Variants in KAZN observed in about 807,000 individuals in gnomAD.
The protein encoded by KAZN is kazrin, periplakin interacting protein.
In KAZN, 40 loss-of-function variants were observed where a neutral mutation model predicts 87.4. The observed-to-expected ratio is 0.46, with a 90% CI of 0.36 to 0.60. The LOEUF (loss-of-function observed/expected upper bound fraction) is 0.60. Among genes scored for constraint, KAZN ranks in the 20% least tolerant of loss-of-function variants. The pLI is 0.00. For synonymous variants in KAZN, 466 were observed against 458.3 expected, an observed-to-expected ratio of 1.02 and a Z score of -0.22; for missense variants, 898 against 1,073.9, an observed-to-expected ratio of 0.84 and a Z score of 2.29.
At chr1:14,505,242 C>T (rs1287556279) in intron 2 of KAZN, among the ~76,000 whole-genome samples, 1 of 152,136 alleles carries the variant, frequency 6.6e-6, no homozygotes, top group Non-Finnish European at 1.5e-5. Context: ...AGGCCAGTGG[C>T]CATCCCTGAA....
chr1:14,415,034 T>C (rs1035299938), intron 2 of KAZN, among the ~76,000 whole-genome samples: 3 of 151,866 alleles, frequency 2.0e-5, no homozygotes, highest in Non-Finnish European at 4.4e-5. Flanking sequence ...TCAAAATAAA[T>C]AAATACGTAC....
intron 2 of KAZN, among the ~76,000 whole-genome samples, chr1:14,591,961 T>C (rs1676228928): frequency 1.3e-5 from 2 of 152,162 alleles, no homozygotes. Context: ...GCTGTGGTTA[T>C]GAGGGTGATG....
At chr1:15,003,503 T>C (rs893058656) in intron 2 of KAZN, among the ~76,000 whole-genome samples, 1 of 152,150 alleles carries the variant, frequency 6.6e-6, no homozygotes, top group Non-Finnish European at 1.5e-5. Flanking sequence ...GATATCTCAG[T>C]AAAGCTGTTT....
At chr1:14,225,772 T>A (rs1647251823) in intron 2 of KAZN, among the ~76,000 whole-genome samples, 1 of 152,152 alleles carries the variant, frequency 6.6e-6, no homozygotes. Context: ...GAATGCCTAT[T>A]CAATAAGTGG....
chr1:14,474,007 C>A (rs1668591806), intron 2 of KAZN, among the ~76,000 whole-genome samples: 1 of 152,196 alleles, frequency 6.6e-6, no homozygotes, highest in Non-Finnish European at 1.5e-5. Flanking sequence ...ATAGAAATTG[C>A]TACTCTAAAA....
intron 1 of KAZN, among the ~76,000 whole-genome samples, chr1:14,699,184 C>A (rs1218289821): frequency 6.7e-6 from 1 of 150,012 alleles, no homozygotes; most frequent in Non-Finnish European, 1.5e-5. Flanking sequence ...GAGGAGACAA[C>A]AATTTAGCTG....
chr1:14,561,702 A>G (rs1162332297), intron 2 of KAZN, among the ~76,000 whole-genome samples: 1 of 152,096 alleles, frequency 6.6e-6, no homozygotes, highest in Non-Finnish European at 1.5e-5. Context: ...TCAGGAGTTC[A>G]AGACAGACCT....
chr1:14,023,121 T>C (rs970723), intron 1 of KAZN, among the ~76,000 whole-genome samples: 143,904 of 152,060 alleles, frequency 0.95, 68,326 homozygotes, highest in African/African-American at 0.97. Flanking sequence ...TGGAGACCAG[T>C]CTTGGAACAT....
At chr1:14,531,284 A>C (rs1672195488) in intron 2 of KAZN, among the ~76,000 whole-genome samples, 1 of 152,202 alleles carries the variant, frequency 6.6e-6, no homozygotes, top group South Asian at 2.1e-4. Context: ...CCAGTCCGCC[A>C]AAGATCAAAA....
At chr1:14,491,080 G>C (rs193291030) in intron 2 of KAZN, among the ~76,000 whole-genome samples, 102 of 152,286 alleles carry the variant, frequency 6.7e-4, no homozygotes, top group Middle Eastern at 3.4e-3. Context: ...ATCTCAAAAA[G>C]ATTTTTCCAA....
At chr1:13,972,028 C>T (rs1642155416) in intron 1 of KAZN, among the ~76,000 whole-genome samples, 1 of 152,158 alleles carries the variant, frequency 6.6e-6, no homozygotes. Context: ...TACCCAGTCT[C>T]AGGCATTTCT....
chr1:13,950,694 G>A lies in KAZN; in HGVS notation c.91+56938G>A, dbSNP rs147860437. Among the ~76,000 whole-genome samples, 9 of 152,288 alleles carry A rather than the reference G, an allele frequency of 5.9e-5. No individual in the cohort carries two copies. In the East Asian group the frequency reaches 1.7e-3, roughly 29 times the overall value. ...AGGAGAGGGAAGGGCTGCCTAGAAG[G>A]AGCTGCGGCCTGGAGAGAGCAGAGG... On this transcript the variant is annotated intron_variant, in intron 1 of 16. Coordinates refer to the KAZN transcript ENST00000636203.
intron 2 of KAZN, among the ~76,000 whole-genome samples, chr1:14,274,756 A>G (rs773377333): frequency 6.6e-6 from 1 of 152,064 alleles, no homozygotes; most frequent in Non-Finnish European, 1.5e-5. Context: ...ATTTCCTCAA[A>G]TCTACAAAAC....
At chr1:15,027,938 C>T (rs1225153839) in intron 2 of KAZN, among the ~76,000 whole-genome samples, 1 of 152,240 alleles carries the variant, frequency 6.6e-6, no homozygotes, top group Non-Finnish European at 1.5e-5. Flanking sequence ...GTGGTGGGAG[C>T]TTGAGGACAA....
At chr1:14,333,734 C>T (rs984321753) in intron 2 of KAZN, among the ~76,000 whole-genome samples, 4 of 151,970 alleles carry the variant, frequency 2.6e-5, no homozygotes, top group African/African-American at 4.8e-5. Flanking sequence ...TGGGGGGTGT[C>T]GCTTGTTAAA....
intron 8 of KAZN, among the ~76,000 whole-genome samples, chr1:15,082,195 G>C (rs759258350): frequency 7.9e-5 from 12 of 152,138 alleles, no homozygotes; most frequent in Non-Finnish European, 1.5e-4. Flanking sequence ...AGACCCTATG[G>C]GGCAGCAACA....
intron 2 of KAZN, among the ~76,000 whole-genome samples, chr1:14,467,959 G>A (rs1012064579): frequency 2.0e-5 from 3 of 152,104 alleles, no homozygotes; most frequent in Non-Finnish European, 2.9e-5. Flanking sequence ...CCAGGCCCAC[G>A]CATAAATCAC....
At chr1:14,193,519 A>T (rs1646464900) in intron 2 of KAZN, among the ~76,000 whole-genome samples, 1 of 152,156 alleles carries the variant, frequency 6.6e-6, no homozygotes, top group Non-Finnish European at 1.5e-5. Context: ...CTTCTTGATT[A>T]TGAGCTTCCA....
intron 1 of KAZN, among the ~76,000 whole-genome samples, chr1:13,916,278 G>A (rs767704545): frequency 9.2e-5 from 14 of 152,134 alleles, no homozygotes; most frequent in Admixed American, 6.5e-5. Context: ...AATGACATTC[G>A]CCTGAAAGAG....
Sources: allele counts gnomAD v4.1 joint callset (sites outside exome capture counted in the v4.1 genomes callset), GRCh38; gene constraint gnomAD v4.1.1; transcripts MANE v1.5; gene names NCBI Gene and HGNC (gene_info 2026-07-23, HGNC 2026-07-21).